Variants in PRR16 observed in about 807,000 individuals in gnomAD.
PRR16 encodes protein Largen.
Under a neutral mutation model 18.2 loss-of-function variants are expected in PRR16, and 6 were observed. The ratio of observed to expected loss-of-function variants is 0.33; its 90% CI spans 0.18 to 0.65. PRR16 has a LOEUF of 0.65. Among genes scored for constraint, PRR16 ranks in the 30% least tolerant of loss-of-function variants. The pLI, the probability that PRR16 is intolerant of heterozygous loss-of-function variation, is 0.74. For synonymous variants in PRR16, 151 were observed against 147.8 expected, an observed-to-expected ratio of 1.02 and a Z score of -0.16; for missense variants, 412 against 376.6, an observed-to-expected ratio of 1.09 and a Z score of -0.78.
the PRR16 span, chr5:120,790,871 T>C: frequency 2.0e-5 from 3 of 151,886 alleles, no homozygotes; most frequent in Non-Finnish European, 2.9e-5. Context: ...AGTTATCTAA[T>C]AAAAAATGGA....
chr5:120,539,181 A>G, intron 1 of PRR16, among the ~76,000 whole-genome samples: 1 of 152,072 alleles, frequency 6.6e-6, no homozygotes, highest in East Asian at 1.9e-4. Context: ...CTTTTGAAGA[A>G]TGCTAGGTTT....
chr5:120,754,166 A>AATATGAT, the PRR16 span, among the ~76,000 whole-genome samples: 79 of 98,728 alleles, frequency 8.0e-4, no homozygotes, highest in East Asian at 7.0e-3. Flanking sequence ...ATGATATATA[A>AATATGAT]ATATAAATAT....
chr5:120,533,200 A>C (rs186283944), intron 1 of PRR16, among the ~76,000 whole-genome samples: 1 of 152,300 alleles, frequency 6.6e-6, no homozygotes, highest in Admixed American at 6.5e-5. Flanking sequence ...CATCCACTGA[A>C]TATATCTTCA....
rs751643945 is a variant in PRR16, at chr5:120,676,506, TTATATATATATA to T, written c.160-9442_160-9431del. Among the ~76,000 whole-genome samples the T allele has an allele frequency of 2.2e-5, 3 of 138,596 alleles. No homozygotes were observed. In the East Asian group the frequency reaches 6.1e-4, roughly 28 times the overall value. 90.9% of individuals were successfully genotyped at this position (138,596 alleles called of 152,430 possible). ...TAACTTACTCTGGATTATGTTTATT[TTATATATATATA>T]TATATGTGTGTGTGTGTGTGTGTGT... On this transcript the variant is annotated intron_variant, in intron 1 of 1. Coordinates refer to ENST00000407149, the MANE Select transcript of PRR16 (RefSeq NM_001300783.2).
chr5:120,669,091 C>T (rs997218204), intron 1 of PRR16, among the ~76,000 whole-genome samples: 7 of 152,104 alleles, frequency 4.6e-5, no homozygotes, highest in African/African-American at 1.4e-4. Context: ...GTGGTGACTG[C>T]GTGTAATGAC....
intron 1 of PRR16, among the ~76,000 whole-genome samples, chr5:120,479,122 A>C (rs983774774): frequency 6.6e-6 from 1 of 152,152 alleles, no homozygotes; most frequent in Non-Finnish European, 1.5e-5. Flanking sequence ...TTCAGATACT[A>C]AAGTACTACA....
At chr5:120,749,624 C>T in the PRR16 span, among the ~76,000 whole-genome samples, 5 of 152,068 alleles carry the variant, frequency 3.3e-5, no homozygotes, top group Non-Finnish European at 7.4e-5. Context: ...GCATTGAGAG[C>T]TGCTAAGATT....
At chr5:120,501,369 C>A in intron 1 of PRR16, among the ~76,000 whole-genome samples, 1 of 152,152 alleles carries the variant, frequency 6.6e-6, no homozygotes, top group Non-Finnish European at 1.5e-5. Context: ...CCAGATATTT[C>A]TTTTGTCTAG....
Position 120,619,818 on chromosome 5 carries a change from G to GA in PRR16, c.160-66130dup, listed in dbSNP as rs1754629593. ...GCACTTTGCACTATGCACTGTGCTA[G>GA]AAAAAAGAAATATAAAGATTAATAA... On this transcript the variant is annotated intron_variant, in intron 1 of 1. Coordinates refer to ENST00000407149, the MANE Select transcript of PRR16 (RefSeq NM_001300783.2). 3.3e-5 allele frequency among the ~76,000 whole-genome samples: 5 copies of GA among 151,994 alleles called. No individual in the cohort carries two copies. In the South Asian group the frequency reaches 8.3e-4, roughly 25 times the overall value.
intron 1 of PRR16, among the ~76,000 whole-genome samples, chr5:120,568,152 C>T (rs905221407): frequency 1.3e-5 from 2 of 151,996 alleles, no homozygotes; most frequent in African/African-American, 2.4e-5. Flanking sequence ...TTGGAGAACC[C>T]GGAAAAACGG....
chr5:120,768,802 T>G, the PRR16 span, among the ~76,000 whole-genome samples: 1 of 151,764 alleles, frequency 6.6e-6, no homozygotes, highest in African/African-American at 2.4e-5. Flanking sequence ...AATCTGAGAA[T>G]AGGTTTGACT....
At chr5:120,563,290 A>C (rs1483302092) in intron 1 of PRR16, among the ~76,000 whole-genome samples, 1 of 152,226 alleles carries the variant, frequency 6.6e-6, no homozygotes, top group Admixed American at 6.5e-5. Context: ...ACAATCAGCA[A>C]GTGGCAATGC....
intron 1 of PRR16, among the ~76,000 whole-genome samples, chr5:120,478,668 C>G (rs1749516692): frequency 6.6e-6 from 1 of 152,200 alleles, no homozygotes; most frequent in South Asian, 2.1e-4. Flanking sequence ...AAAAGTCTGA[C>G]TCTGATTTAG....
the PRR16 span, among the ~76,000 whole-genome samples, chr5:120,696,822 A>G: frequency 1.3e-5 from 2 of 152,234 alleles, no homozygotes; most frequent in East Asian, 1.9e-4. Context: ...GAAGTAATGC[A>G]TATGTTAAAT....
At chr5:120,561,236 T>C (rs1424644116) in intron 1 of PRR16, among the ~76,000 whole-genome samples, 1 of 152,044 alleles carries the variant, frequency 6.6e-6, no homozygotes, top group Non-Finnish European at 1.5e-5. Flanking sequence ...TTCTTCTTTT[T>C]TGATGTAGAC....
chr5:120,699,282 T>C, the PRR16 span, among the ~76,000 whole-genome samples: 1 of 152,304 alleles, frequency 6.6e-6, no homozygotes, highest in Non-Finnish European at 1.5e-5. Flanking sequence ...TGGCTTGTAC[T>C]ATAGCATAAC....
chr5:120,747,382 G>C, the PRR16 span, among the ~76,000 whole-genome samples: 2 of 152,224 alleles, frequency 1.3e-5, no homozygotes, highest in East Asian at 3.9e-4. Flanking sequence ...ACTCCTCTAA[G>C]AACCAATGCC....
rs182237319 is a variant in PRR16, at chr5:120,521,240, G to T, written c.159+56595G>T. On this transcript the variant is annotated intron_variant, in intron 1 of 1. Transcript: ENST00000407149. Reference sequence around the variant, plus strand: ...GGACAAGATGAGTCCTTTATTTTTTGTGTGTGTTTTTTTTTAATGTATGTT... The same window carrying T: ...GGACAAGATGAGTCCTTTATTTTTTTTGTGTGTTTTTTTTTAATGTATGTT... 6.6e-3 allele frequency among the ~76,000 whole-genome samples: 996 copies of T among 151,960 alleles called. 9 individuals are homozygous for T. The highest frequency in any genetic ancestry group is 0.032 in the East Asian group (163 of 5,148).
chr5:120,544,491 C>T (rs1752013286), intron 1 of PRR16, among the ~76,000 whole-genome samples: 1 of 152,044 alleles, frequency 6.6e-6, no homozygotes, highest in African/African-American at 2.4e-5. Flanking sequence ...CTAGTATATG[C>T]ACACACATGT....
Sources: gnomAD v4.1 joint callset for allele counts (sites outside exome capture counted in the v4.1 genomes callset) on GRCh38, gnomAD v4.1.1 for gene constraint, MANE v1.5 for transcripts, NCBI Gene and HGNC (gene_info 2026-07-23, HGNC 2026-07-21) for gene names.